TAF13: variants seen among roughly 807,000 people sequenced by gnomAD.
TAF13 encodes the protein transcription initiation factor TFIID subunit 13.
TAF13 carries 9 observed loss-of-function variants against 18.7 expected under a neutral mutation model. The observed-to-expected ratio is 0.48, with a 90% CI of 0.29 to 0.84. The LOEUF (loss-of-function observed/expected upper bound fraction) is 0.84, where lower values mean the gene tolerates loss of function less well. TAF13 is among the 40% of genes least tolerant of loss of function. TAF13 has a pLI of 0.08. For missense variants in TAF13, 105 were observed against 146.5 expected (o/e 0.72, Z 1.46); for synonymous variants, 49 against 44.1 (o/e 1.11, Z -0.44).
At chr1:109,065,069 T>C (rs765126269) in intron 3 of TAF13, among the ~76,000 whole-genome samples, 59 of 152,174 alleles carry the variant, frequency 3.9e-4, no homozygotes, top group Non-Finnish European at 7.2e-4. Flanking sequence ...ACCCAATAAA[T>C]ATTGGTGGGT....
chr1:109,075,217 G>C, intron 1 of TAF13, 152 bp from the exon 2 acceptor site: 1 of 654,166 alleles, frequency 1.5e-6, no homozygotes, highest in Admixed American at 3.0e-5. Flanking sequence ...CATTGAAGGA[G>C]CCTATGTATC....
intron 2 of TAF13, among the ~76,000 whole-genome samples, chr1:109,067,003 G>C (rs1296558418): frequency 1.3e-5 from 2 of 152,070 alleles, no homozygotes; most frequent in African/African-American, 4.8e-5. Context: ...ACAGGCGTGA[G>C]CCACCGCGCC....
intron 2 of TAF13, among the ~76,000 whole-genome samples, chr1:109,069,607 G>A (rs1383807687): frequency 6.6e-6 from 1 of 151,592 alleles, no homozygotes; most frequent in Non-Finnish European, 1.5e-5. Flanking sequence ...GTTCACTTAA[G>A]ACTTGCACAA....
Position 109,064,532 on chromosome 1 carries a change from A to G in TAF13, c.366T>C (p.Tyr122=). The change falls in exon 4 of 4, where the codon TAT becomes TAC. Residue 122 remains tyrosine (Y), a synonymous_variant. Transcript: ENST00000338366. ...RARKAFDEAN[Y]GS ...GAAACTACAAAAAGTGTCAAGATCC[A>G]TAATTTGCTTCATCAAATGCTTTTC... The G allele has an allele frequency of 1.3e-5, 19 of 1,500,574 alleles. No individual in the cohort carries two copies. Among genetic ancestry groups the G allele is most frequent in the Non-Finnish European group, 1.7e-5 (19 of 1,123,590 alleles). The allele number at this position is 1,500,574 out of a possible 1,614,324, so 93.0% of individuals were successfully genotyped here. A position where few individuals can be genotyped will look rare whatever the true frequency, so the allele number is the denominator to read the frequency against.
chr1:109,075,454 G>A (rs976864574), intron 1 of TAF13, among the ~76,000 whole-genome samples: 31 of 152,172 alleles, frequency 2.0e-4, no homozygotes, highest in Admixed American at 8.5e-4. Context: ...CTTATACAGT[G>A]CTAAAAACGT....
intron 3 of TAF13, among the ~76,000 whole-genome samples, chr1:109,065,384 G>A (rs1663933976): frequency 6.6e-6 from 1 of 152,004 alleles, no homozygotes; most frequent in Non-Finnish European, 1.5e-5. Context: ...AGGTATTTGG[G>A]AGGCTGAGGT....
intron 2 of TAF13, 31 bp downstream of exon 2, chr1:109,074,956 T>C (rs1377676665): frequency 6.5e-7 from 1 of 1,544,994 alleles, no homozygotes; most frequent in Non-Finnish European, 8.8e-7. Context: ...TTTCATCATC[T>C]ATAACAAAAT....
chr1:109,068,237 G>T (rs1340060169), intron 2 of TAF13, among the ~76,000 whole-genome samples: 1 of 152,204 alleles, frequency 6.6e-6, no homozygotes, highest in African/African-American at 2.4e-5. Flanking sequence ...CCGGATTCAA[G>T]AGATTCTCAA....
chr1:109,074,117 C>A (rs1295499389), intron 2 of TAF13, among the ~76,000 whole-genome samples: 1 of 152,142 alleles, frequency 6.6e-6, no homozygotes, highest in South Asian at 2.1e-4. Flanking sequence ...ATGACGATGG[C>A]GGTTTTGTCG....
chr1:109,072,142 A>G (rs1664088918), intron 2 of TAF13, among the ~76,000 whole-genome samples: 1 of 131,858 alleles, frequency 7.6e-6, no homozygotes, highest in Non-Finnish European at 1.6e-5. Flanking sequence ...ATATATATAT[A>G]TATACTGACC....
chr1:109,067,989 TTC>T (rs1280123852), intron 2 of TAF13, among the ~76,000 whole-genome samples: 2 of 152,212 alleles, frequency 1.3e-5, no homozygotes, highest in Non-Finnish European at 2.9e-5. Context: ...TCCGTGTGAA[TTC>T]TTTTTTTTGC....
chr1:109,073,165 G>T (rs1571299752), intron 2 of TAF13, among the ~76,000 whole-genome samples: 1 of 152,100 alleles, frequency 6.6e-6, no homozygotes, highest in East Asian at 1.9e-4. Flanking sequence ...CCTCTCTACT[G>T]CTGTAAAGGC....
At chr1:109,074,508 C>T (rs1001212537) in intron 2 of TAF13, among the ~76,000 whole-genome samples, 1 of 152,174 alleles carries the variant, frequency 6.6e-6, no homozygotes, top group African/African-American at 2.4e-5. Flanking sequence ...TGCTGACCTT[C>T]TCTCCACTAT....
intron 2 of TAF13, among the ~76,000 whole-genome samples, chr1:109,070,697 C>A (rs1265500656): frequency 1.3e-5 from 2 of 150,670 alleles, no homozygotes; most frequent in East Asian, 1.9e-4. Context: ...CCCAGTCCCC[C>A]CCAAATTTTT....
chr1:109,073,472 C>T (rs888377912), intron 2 of TAF13, among the ~76,000 whole-genome samples: 5 of 152,172 alleles, frequency 3.3e-5, no homozygotes, highest in African/African-American at 1.2e-4. Context: ...TGTACTGCAG[C>T]GATCTGGGAT....
intron 2 of TAF13, among the ~76,000 whole-genome samples, chr1:109,074,021 C>A (rs998992935): frequency 6.6e-6 from 1 of 152,152 alleles, no homozygotes; most frequent in African/African-American, 2.4e-5. Flanking sequence ...GCCAGGCCGC[C>A]CGCATCTGGG....
rs1663914495 is a variant in TAF13, at chr1:109,064,345, C to T, written c.*178G>A. 1 of 447,674 alleles carries T rather than the reference C, an allele frequency of 2.2e-6. No individual in the cohort carries two copies. The highest frequency in any genetic ancestry group is 3.7e-6 in the Non-Finnish European group (1 of 270,614). The allele number at this position is 447,674 out of a possible 1,614,324, so 27.7% of individuals were successfully genotyped here. Reference sequence around the variant, plus strand: ...TAATTCAAGTATGGTAATATAAAGGCAGGCAATTACATGCACCAATATCAC... The same window carrying T: ...TAATTCAAGTATGGTAATATAAAGGTAGGCAATTACATGCACCAATATCAC... On this transcript the variant is annotated 3_prime_UTR_variant, in exon 4 of 4. Coordinates refer to ENST00000338366, the MANE Select transcript of TAF13 (RefSeq NM_005645.4).
chr1:109,069,076 G>A (rs922668546), intron 2 of TAF13, among the ~76,000 whole-genome samples: 2 of 152,158 alleles, frequency 1.3e-5, no homozygotes, highest in Admixed American at 6.6e-5. Flanking sequence ...CTGTACATGG[G>A]CATTTTTCTG....
intron 2 of TAF13, among the ~76,000 whole-genome samples, chr1:109,068,992 ACT>A (rs946595103): frequency 6.6e-6 from 1 of 152,058 alleles, no homozygotes. Flanking sequence ...AAAGAGGGAG[ACT>A]CTGCCTCAAA....
Sources: allele counts gnomAD v4.1 joint callset (sites outside exome capture counted in the v4.1 genomes callset), GRCh38; gene constraint gnomAD v4.1.1; transcripts MANE v1.5; gene names NCBI Gene and HGNC (gene_info 2026-07-23, HGNC 2026-07-21).